Variants in TNRC6A observed in about 807,000 individuals in gnomAD.
The protein encoded by TNRC6A is trinucleotide repeat-containing gene 6A protein.
TNRC6A carries 44 observed loss-of-function variants against 221.2 expected under a neutral mutation model. The ratio of observed to expected loss-of-function variants is 0.20; its 90% CI spans 0.16 to 0.26. The LOEUF is 0.26. Ranked by LOEUF, TNRC6A falls within the 10% of genes least tolerant of loss-of-function variation. The pLI is 1.00. For synonymous variants in TNRC6A, 847 were observed against 838.5 expected (o/e 1.01, Z -0.18); for missense variants, 2,199 against 2,404.4 (o/e 0.91, Z 1.79).
chr16:24,627,685 T>C (rs1901094582), intron 1 of TNRC6A, among the ~76,000 whole-genome samples: 1 of 147,606 alleles, frequency 6.8e-6, no homozygotes, highest in African/African-American at 2.5e-5. Context: ...TCTTTCATGT[T>C]TTCTTTTCTT....
rs1373701003 is a variant in TNRC6A, at chr16:24,795,347, C to T, written c.3529-560C>T. Among the ~76,000 whole-genome samples, 3 of 152,280 alleles carry T rather than the reference C, an allele frequency of 2.0e-5. No homozygotes were observed. In the East Asian group the frequency reaches 5.8e-4, roughly 29 times the overall value. ...CCAAGTTTCTTATCCTAAAGAAACT[C>T]CTCAAATGTCTCTGATGCAGAGCCA... On this transcript the variant is annotated intron_variant, in intron 8 of 24. Transcript: ENST00000395799.
intron 4 of TNRC6A, among the ~76,000 whole-genome samples, chr16:24,768,154 G>C (rs980303421): frequency 1.3e-5 from 2 of 152,112 alleles, no homozygotes; most frequent in African/African-American, 4.8e-5. Context: ...TGCCTGGGCC[G>C]GGCGCGGTGG....
At chr16:24,767,994 A>G (rs2057509117) in intron 4 of TNRC6A, among the ~76,000 whole-genome samples, 1 of 152,192 alleles carries the variant, frequency 6.6e-6, no homozygotes, top group African/African-American at 2.4e-5. Context: ...TTGTTTTTAA[A>G]TATATGGATT....
At chr16:24,704,082 C>CAAA (rs34569194) in intron 2 of TNRC6A, among the ~76,000 whole-genome samples, 2 of 132,994 alleles carry the variant, frequency 1.5e-5, no homozygotes, top group African/African-American at 5.3e-5. Flanking sequence ...GACCTTGTAT[C>CAAA]AAAAAAAAAA....
rs558813867 is a variant in TNRC6A at position 24,815,376 on chromosome 16, C to T, written c.4831+71C>T. 22 of 1,531,068 alleles carry T rather than the reference C, an allele frequency of 1.4e-5. No homozygotes were observed. In the Middle Eastern group the frequency reaches 6.7e-4, roughly 47 times the overall value. 94.8% of individuals were successfully genotyped at this position (1,531,068 alleles called of 1,614,324 possible). Reference sequence around the variant, plus strand: ...TAAGGTTTTGTTACATCTGGACTTACTACTGATGTAGCCCAGATCGGCGTG... The same window carrying T: ...TAAGGTTTTGTTACATCTGGACTTATTACTGATGTAGCCCAGATCGGCGTG... On this transcript the variant is annotated intron_variant, in intron 19 of 24. Transcript: ENST00000395799.
chr16:24,737,814 C>G (rs528580218), intron 2 of TNRC6A, among the ~76,000 whole-genome samples: 1 of 151,584 alleles, frequency 6.6e-6, no homozygotes, highest in Non-Finnish European at 1.5e-5. Flanking sequence ...TTGGTCCCTT[C>G]TTTCTCCCAT....
At chr16:24,644,080 A>AGTTTTTT (rs1902141316) in intron 2 of TNRC6A, among the ~76,000 whole-genome samples, 1 of 52,972 alleles carries the variant, frequency 1.9e-5, no homozygotes, top group African/African-American at 1.0e-4. Flanking sequence ...TCTTATCTTT[A>AGTTTTTT]ATTTTTTTTT....
rs1490428869 is a variant in TNRC6A at position 24,806,851 on chromosome 16, G to A, written c.4540+67G>A. Reference sequence around the variant, plus strand: ...TATCACAGGCGTGCCTCCTTCACACGTACCCTTACAGCTCTGTTCCTTCAT... The same window carrying A: ...TATCACAGGCGTGCCTCCTTCACACATACCCTTACAGCTCTGTTCCTTCAT... On this transcript the variant is annotated intron_variant, in intron 17 of 24. Coordinates refer to ENST00000395799, the MANE Select transcript of TNRC6A (RefSeq NM_014494.4). 4.6e-5 allele frequency: 66 copies of A among 1,423,954 alleles called. No individual in the cohort carries two copies. The East Asian group carries it at 1.0e-3, about 22-fold the overall frequency. 88.2% of individuals were successfully genotyped at this position (1,423,954 alleles called of 1,614,324 possible). A position where few individuals can be genotyped will look rare whatever the true frequency, so the allele number is the denominator to read the frequency against.
intron 1 of TNRC6A, among the ~76,000 whole-genome samples, chr16:24,614,107 CA>C (rs1900218590): frequency 1.3e-5 from 2 of 152,286 alleles, no homozygotes; most frequent in South Asian, 4.1e-4. Context: ...TGATCTCACC[CA>C]GGTGTCTGCT....
At chr16:24,818,083 A>G (rs1022719931) in intron 20 of TNRC6A, among the ~76,000 whole-genome samples, 1 of 152,164 alleles carries the variant, frequency 6.6e-6, no homozygotes, top group Non-Finnish European at 1.5e-5. Context: ...CAACTAGAGT[A>G]GTGGTCGATG....
intron 2 of TNRC6A, among the ~76,000 whole-genome samples, chr16:24,710,164 G>T (rs1428439661): frequency 3.3e-5 from 5 of 151,414 alleles, no homozygotes; most frequent in African/African-American, 4.9e-5. Context: ...GGTGGAGGTT[G>T]CAGTGAGCCG....
chr16:24,754,143 C>T (rs2057196601), intron 3 of TNRC6A, among the ~76,000 whole-genome samples: 1 of 152,040 alleles, frequency 6.6e-6, no homozygotes, highest in Non-Finnish European at 1.5e-5. Flanking sequence ...TAATGGTCCC[C>T]AGTAGCCACT....
intron 2 of TNRC6A, among the ~76,000 whole-genome samples, chr16:24,681,687 T>C (rs951085102): frequency 6.6e-6 from 1 of 152,178 alleles, no homozygotes; most frequent in African/African-American, 2.4e-5. Context: ...AAAACAGGGC[T>C]TTTTCAGATT....
chr16:24,758,570 C>A (rs902743322), intron 4 of TNRC6A, among the ~76,000 whole-genome samples: 3 of 152,084 alleles, frequency 2.0e-5, no homozygotes, highest in Non-Finnish European at 1.5e-5. Context: ...CTGCCTCAGA[C>A]CTGCCTTAAA....
At chr16:24,675,702 C>CCA (rs2055405147) in intron 2 of TNRC6A, among the ~76,000 whole-genome samples, 1 of 33,268 alleles carries the variant, frequency 3.0e-5, no homozygotes, top group Non-Finnish European at 5.2e-5. Flanking sequence ...CTCTCTCTCT[C>CCA]TATATATATA....
chr16:24,778,281 T>C, intron 5 of TNRC6A: 1 of 985,154 alleles, frequency 1.0e-6, no homozygotes, highest in South Asian at 4.7e-5. Flanking sequence ...TTTCTATACC[T>C]GTGCTCTCTT....
At chr16:24,806,411 T>G in intron 16 of TNRC6A, 128 bp downstream of exon 16, 9 of 1,382,322 alleles carry the variant, frequency 6.5e-6, no homozygotes, top group Non-Finnish European at 8.9e-6. Flanking sequence ...CAGTATGTTT[T>G]TCATTAAGTC....
intron 2 of TNRC6A, among the ~76,000 whole-genome samples, chr16:24,699,445 C>T (rs903449292): frequency 5.9e-5 from 9 of 152,214 alleles, no homozygotes; most frequent in Non-Finnish European, 1.2e-4. Flanking sequence ...AGACCAGGCA[C>T]GATGTCTCAC....
chr16:24,700,318 C>G (rs189181842), intron 2 of TNRC6A, among the ~76,000 whole-genome samples: 55 of 152,072 alleles, frequency 3.6e-4, no homozygotes, highest in African/African-American at 1.2e-3. Context: ...TCACTGCAAT[C>G]TCTGCTTCCC....
Sources: gnomAD v4.1 joint callset for allele counts (sites outside exome capture counted in the v4.1 genomes callset) on GRCh38, gnomAD v4.1.1 for gene constraint, MANE v1.5 for transcripts, NCBI Gene and HGNC (gene_info 2026-07-23, HGNC 2026-07-21) for gene names.